PCGF5: variants seen among roughly 807,000 people sequenced by gnomAD.
PCGF5 encodes polycomb group RING finger protein 5.
A neutral mutation model predicts 44.3 loss-of-function variants in PCGF5; 9 were observed. That is an observed-to-expected ratio of 0.20 (90% CI 0.12 to 0.35). The LOEUF (loss-of-function observed/expected upper bound fraction) is 0.35, where lower values mean the gene tolerates loss of function less well. Among genes scored for constraint, PCGF5 ranks in the 10% least tolerant of loss-of-function variants. The probability of loss-of-function intolerance (pLI) is 1.00; values close to 1 mark genes in which losing one functional copy is unlikely to be tolerated. For missense variants in PCGF5, 146 were observed against 305.3 expected, an observed-to-expected ratio of 0.48 and a Z score of 3.89; for synonymous variants, 95 against 102.5, an observed-to-expected ratio of 0.93 and a Z score of 0.44.
At chr10:91,222,319 A>G (rs1030910498) in intron 1 of PCGF5, among the ~76,000 whole-genome samples, 1 of 152,150 alleles carries the variant, frequency 6.6e-6, no homozygotes, top group South Asian at 2.1e-4. Flanking sequence ...GAAATGGGGA[A>G]CATTTTGATA....
intron 1 of PCGF5, among the ~76,000 whole-genome samples, chr10:91,187,632 T>C (rs1843951541): frequency 6.6e-6 from 1 of 152,216 alleles, no homozygotes; most frequent in Admixed American, 6.5e-5. Flanking sequence ...TTCTGTTTTC[T>C]GCATCCTTTC....
intron 1 of PCGF5, among the ~76,000 whole-genome samples, chr10:91,201,054 G>T (rs1844242429): frequency 6.6e-6 from 1 of 152,168 alleles, no homozygotes; most frequent in Non-Finnish European, 1.5e-5. Flanking sequence ...AGGTGATGGG[G>T]AAAGTTTTAT....
chr10:91,201,195 G>A (rs1844245188), intron 1 of PCGF5, among the ~76,000 whole-genome samples: 1 of 152,130 alleles, frequency 6.6e-6, no homozygotes, highest in East Asian at 1.9e-4. Context: ...TTACGTATCT[G>A]GAGGCTGGGA....
intron 2 of PCGF5, among the ~76,000 whole-genome samples, chr10:91,237,480 C>T (rs550395131): frequency 7.9e-5 from 12 of 152,298 alleles, no homozygotes; most frequent in East Asian, 5.8e-4. Context: ...CAGTGGCTCA[C>T]GCCTGTAATT....
At chr10:91,228,044 C>A (rs1219867358) in intron 2 of PCGF5, 3 of 708,180 alleles carry the variant, frequency 4.2e-6, no homozygotes, top group African/African-American at 3.9e-5. Context: ...TTAGGAATTA[C>A]AAATTTAGGA....
At chr10:91,188,368 A>G (rs1589359117) in intron 1 of PCGF5, among the ~76,000 whole-genome samples, 1 of 152,238 alleles carries the variant, frequency 6.6e-6, no homozygotes, top group Non-Finnish European at 1.5e-5. Flanking sequence ...CTCTAAAATC[A>G]TAGGCTTTAG....
At chr10:91,243,273 C>A (rs1019972752) in intron 3 of PCGF5, among the ~76,000 whole-genome samples, 4 of 152,146 alleles carry the variant, frequency 2.6e-5, no homozygotes. Flanking sequence ...GGTCACATGA[C>A]AGCCACTAGG....
rs1845999615 is a variant in PCGF5 at position 91,264,416 on chromosome 10, T to C, written c.574-15T>C. ...CAACATTATGTTAATAGATCTATAA[T>C]GATTCTTTTTAAAGTTGGATGTGCT... On this transcript the variant is annotated splice_polypyrimidine_tract_variant and intron_variant, in intron 7 of 9. Coordinates refer to ENST00000336126, the MANE Select transcript of PCGF5 (RefSeq NM_032373.5). 6.4e-7 allele frequency: 1 copy of C among 1,574,058 alleles called. No homozygotes were observed. The highest frequency in any genetic ancestry group is 1.9e-5 in the Admixed American group (1 of 53,212).
chr10:91,263,655 T>G (rs1845977252), intron 7 of PCGF5, among the ~76,000 whole-genome samples: 1 of 152,226 alleles, frequency 6.6e-6, no homozygotes, highest in African/African-American at 2.4e-5. Context: ...AATTAGTGAA[T>G]TATAGCCACA....
At chr10:91,206,954 G>T (rs965372254) in intron 1 of PCGF5, among the ~76,000 whole-genome samples, 1 of 152,092 alleles carries the variant, frequency 6.6e-6, no homozygotes, top group Non-Finnish European at 1.5e-5. Context: ...TTACAGCACT[G>T]ATCACTACAT....
Position 91,267,485 on chromosome 10 carries a change from T to C in PCGF5, c.663+2965T>C, listed in dbSNP as rs539983869. On this transcript the variant is annotated intron_variant, in intron 8 of 9. Transcript: ENST00000336126. ...CTAGGGCAGTGCCCAGCATATATAC[T>C]CAATCAATACTTGTTCAAAGAATAA... 5.3e-5 allele frequency among the ~76,000 whole-genome samples: 8 copies of C among 152,318 alleles called. No individual in the cohort carries two copies. The East Asian group carries it at 1.2e-3, about 22-fold the overall frequency.
At chr10:91,162,290 C>T (rs1843399205), upstream of PCGF5, among the ~76,000 whole-genome samples, 1 of 87,726 alleles carries the variant, frequency 1.1e-5, no homozygotes, top group South Asian at 4.4e-4. Context: ...GGCAAGGTCA[C>T]TTCTGGTGGG....
At chr10:91,238,295 A>G (rs1263828343) in intron 2 of PCGF5, among the ~76,000 whole-genome samples, 1 of 152,188 alleles carries the variant, frequency 6.6e-6, no homozygotes, top group Non-Finnish European at 1.5e-5. Flanking sequence ...ACTTTAAGCA[A>G]TTAGCATAAC....
chr10:91,217,591 C>G (rs1366758301), upstream of PCGF5, among the ~76,000 whole-genome samples: 1 of 152,090 alleles, frequency 6.6e-6, no homozygotes, highest in Non-Finnish European at 1.5e-5. Context: ...TTATTAAGAG[C>G]CATTTGTGGT....
At chr10:91,206,662 T>G (rs1844352404) in intron 1 of PCGF5, among the ~76,000 whole-genome samples, 1 of 152,104 alleles carries the variant, frequency 6.6e-6, no homozygotes, top group Non-Finnish European at 1.5e-5. Context: ...CAGCTTAGAG[T>G]AAAGGGTGAA....
At chr10:91,253,132 A>G (rs992040409) in intron 6 of PCGF5, among the ~76,000 whole-genome samples, 1 of 151,738 alleles carries the variant, frequency 6.6e-6, no homozygotes. Context: ...CTCTGTATCT[A>G]TTTTAGGAGA....
intron 1 of PCGF5, among the ~76,000 whole-genome samples, chr10:91,175,893 G>A (rs1401742310): frequency 2.6e-5 from 4 of 152,120 alleles, no homozygotes; most frequent in African/African-American, 7.2e-5. Flanking sequence ...TTTAATTGGA[G>A]CATTTAGCCC....
intron 1 of PCGF5, among the ~76,000 whole-genome samples, chr10:91,182,008 G>GT (rs1843826790): frequency 6.6e-6 from 1 of 152,034 alleles, no homozygotes; most frequent in African/African-American, 2.4e-5. Context: ...TTTCTTCCTA[G>GT]TTCAGTCTTT....
upstream of PCGF5, among the ~76,000 whole-genome samples, chr10:91,218,793 C>T (rs934116106): frequency 5.9e-5 from 9 of 151,888 alleles, no homozygotes; most frequent in Admixed American, 2.0e-4. Context: ...TCACCATGCC[C>T]GGCTGATTTT....
Sources: allele counts gnomAD v4.1 joint callset (sites outside exome capture counted in the v4.1 genomes callset), GRCh38; gene constraint gnomAD v4.1.1; transcripts MANE v1.5; gene names NCBI Gene and HGNC (gene_info 2026-07-23, HGNC 2026-07-21).